ZDHHC8: variants seen among roughly 807,000 people sequenced by gnomAD.
ZDHHC8 encodes the protein palmitoyltransferase ZDHHC8.
A neutral mutation model predicts 61.2 loss-of-function variants in ZDHHC8; 24 were observed. The observed-to-expected ratio is 0.39, with a 90% CI of 0.28 to 0.55. The LOEUF (loss-of-function observed/expected upper bound fraction) is 0.55, where lower values mean the gene tolerates loss of function less well. ZDHHC8 is among the 20% of genes least tolerant of loss of function. The pLI is 0.60. For synonymous variants in ZDHHC8, 523 were observed against 492.5 expected, an observed-to-expected ratio of 1.06 and a Z score of -0.82; for missense variants, 935 against 1,102.1, an observed-to-expected ratio of 0.85 and a Z score of 2.15.
intron 1 of ZDHHC8, among the ~76,000 whole-genome samples, chr22:20,132,522 C>T (rs971000820): frequency 5.3e-5 from 8 of 152,260 alleles, no homozygotes; most frequent in African/African-American, 1.9e-4. Context: ...TAGGTGTGGC[C>T]TGGCCTCGTT....
In ZDHHC8 at chr22:20,146,057, T is replaced by A. The variant is rs542177964; in HGVS notation, c.*657T>A. 1 of 985,846 alleles carries A rather than the reference T, an allele frequency of 1.0e-6. No individual in the cohort carries two copies. Among genetic ancestry groups the A allele is most frequent in the South Asian group, 4.7e-5 (1 of 21,292 alleles). 61.1% of individuals were successfully genotyped at this position (985,846 alleles called of 1,614,324 possible). ...GTCTGTGTGCTGTGCTGCCGCGCCG[T>A]GTCTGATGTGTCAGTGCTCCGGCCG... On this transcript the variant is annotated 3_prime_UTR_variant, in exon 11 of 11. Transcript: ENST00000334554.
chr22:20,143,749 G>A lies in ZDHHC8; in HGVS notation c.2119G>A (p.Val707Met), dbSNP rs559122312. ...DLPEPPPSLT[V>M]QRDHPQLKTP... ...CCCAGAGCCACCGCCCTCGCTGACC[G>A]TGCAGAGGTGGGTGCCGGGAGGTGC... Residue 707 changes from valine to methionine, a missense_variant, in exon 10 of 11, where the codon GTG (valine) becomes ATG (methionine). Coordinates refer to ENST00000334554, the MANE Select transcript of ZDHHC8 (RefSeq NM_013373.4). 1.2e-4 allele frequency: 200 copies of A among 1,606,912 alleles called. 1 individual carries two copies. The highest frequency in any genetic ancestry group is 1.1e-3 in the South Asian group (97 of 90,602).
Position 20,131,946 on chromosome 22 carries a change from G to A in ZDHHC8, c.-2G>A. ...GAGGGATGCGGCGGCGCGGCGCCCA[G>A]GATGCCCCGCAGCCCCGGGACGCGC... On this transcript the variant is annotated 5_prime_UTR_variant, in exon 1 of 11. Coordinates refer to ENST00000334554, the MANE Select transcript of ZDHHC8 (RefSeq NM_013373.4). 1 of 1,187,410 alleles carries A rather than the reference G, an allele frequency of 8.4e-7. No individual in the cohort carries two copies. The highest frequency in any genetic ancestry group is 1.1e-6 in the Non-Finnish European group (1 of 945,980). The allele number at this position is 1,187,410 out of a possible 1,614,324, so 73.6% of individuals were successfully genotyped here.
chr22:20,141,655 C>T, intron 9 of ZDHHC8, 125 bp downstream of exon 9: 1 of 824,108 alleles, frequency 1.2e-6, no homozygotes, highest in Non-Finnish European at 1.9e-6. Context: ...GCAGAGGCCA[C>T]ATCCCCTGAG....
intron 1 of ZDHHC8, among the ~76,000 whole-genome samples, chr22:20,138,413 C>T (rs1241729507): frequency 3.3e-5 from 5 of 152,220 alleles, no homozygotes; most frequent in Non-Finnish European, 1.5e-5. Flanking sequence ...CGGCAAGTCT[C>T]TTCAGAGGGG....
At chr22:20,140,071 G>T (rs376474346) in intron 4 of ZDHHC8, 44 bp from the exon 5 acceptor site, 2 of 1,607,218 alleles carry the variant, frequency 1.2e-6, no homozygotes, top group African/African-American at 2.7e-5. Context: ...GCTGCGATGG[G>T]GTCTGCGGTG....
chr22:20,145,797 G>A lies in ZDHHC8; in HGVS notation c.*397G>A. 1 of 989,918 alleles carries A rather than the reference G, an allele frequency of 1.0e-6. No homozygotes were observed. Among genetic ancestry groups the A allele is most frequent in the South Asian group, 4.7e-5 (1 of 21,348 alleles). The allele number at this position is 989,918 out of a possible 1,614,324, so 61.3% of individuals were successfully genotyped here. ...CCCTTACGGACAGGTCCCAGAGATGGACAGAGGCACCCAGGGCCCCCACCG... is the reference window on the plus strand; with the variant it reads ...CCCTTACGGACAGGTCCCAGAGATGAACAGAGGCACCCAGGGCCCCCACCG... On this transcript the variant is annotated 3_prime_UTR_variant, in exon 11 of 11. Coordinates refer to ENST00000334554, the MANE Select transcript of ZDHHC8 (RefSeq NM_013373.4).
In ZDHHC8 at chr22:20,146,840, G is replaced by A; in HGVS notation, c.*1440G>A. On this transcript the variant is annotated 3_prime_UTR_variant, in exon 11 of 11. Coordinates refer to ENST00000334554, the MANE Select transcript of ZDHHC8 (RefSeq NM_013373.4). ...CCCTGTGGGGGCCGCTGAACCTGCT[G>A]GAACTCTCCTGCCTGCCACATGCCA... 2.4e-6 allele frequency: 3 copies of A among 1,251,982 alleles called. No homozygotes were observed. The highest frequency in any genetic ancestry group is 3.0e-6 in the Non-Finnish European group (3 of 999,334). The allele number at this position is 1,251,982 out of a possible 1,614,324, so 77.6% of individuals were successfully genotyped here.
At chr22:20,143,870 C>G in intron 10 of ZDHHC8, 114 bp downstream of exon 10, 2 of 1,332,392 alleles carry the variant, frequency 1.5e-6, no homozygotes, top group Non-Finnish European at 2.0e-6. Flanking sequence ...GAGTTTTTCT[C>G]TGGGGACGGG....
intron 1 of ZDHHC8, among the ~76,000 whole-genome samples, chr22:20,138,036 A>G (rs1213377849): frequency 6.6e-6 from 1 of 152,234 alleles, no homozygotes; most frequent in East Asian, 1.9e-4. Flanking sequence ...CTTTCCACTA[A>G]AAATAGTGAA....
rs1046752884 is a variant in ZDHHC8 at position 20,134,477 on chromosome 22, C to T, written c.104+2426C>T. On this transcript the variant is annotated intron_variant, in intron 1 of 10. Transcript: ENST00000334554. Reference sequence around the variant, plus strand: ...TCTTGGGGCAGGCCACTTGTCTACCCGTTGCCCCACCTCCTGCCCTGTATC... The same window carrying T: ...TCTTGGGGCAGGCCACTTGTCTACCTGTTGCCCCACCTCCTGCCCTGTATC... 4.6e-5 allele frequency among the ~76,000 whole-genome samples: 7 copies of T among 152,344 alleles called. No individual in the cohort carries two copies. In the East Asian group the frequency reaches 5.8e-4, roughly 13 times the overall value.
rs1348389862 is a variant in ZDHHC8 at position 20,143,388 on chromosome 22, C to T, written c.1758C>T (p.Ser586=). 5.0e-6 allele frequency: 8 copies of T among 1,586,314 alleles called. No individual in the cohort carries two copies. The East Asian group carries it at 1.8e-4, about 36-fold the overall frequency. The change falls in exon 10 of 11, where the codon AGC becomes AGT. Residue 586 remains serine (S), a synonymous_variant. Coordinates refer to ENST00000334554, the MANE Select transcript of ZDHHC8 (RefSeq NM_013373.4). ...TCTATGACGCTCCCAGCTCCTACAG[C>T]CTGCAGCAGGCCAGTGTGCTGTCCG... is the stretch of plus-strand genomic sequence containing the variant. ...SGVYDAPSSY[S]LQQASVLSEG...
chr22:20,134,765 C>T (rs1022502260), intron 1 of ZDHHC8, among the ~76,000 whole-genome samples: 1 of 152,208 alleles, frequency 6.6e-6, no homozygotes, highest in South Asian at 2.1e-4. Flanking sequence ...CTCCCTCAGC[C>T]AGATCGCCAA....
chr22:20,134,185 C>T (rs1344888665), intron 1 of ZDHHC8, among the ~76,000 whole-genome samples: 1 of 152,232 alleles, frequency 6.6e-6, no homozygotes, highest in Non-Finnish European at 1.5e-5. Context: ...AGGATGGTGG[C>T]CTGGGTGCTC....
intron 1 of ZDHHC8, among the ~76,000 whole-genome samples, chr22:20,135,490 GTCTGGGGCA>G (rs2050412221): frequency 6.6e-6 from 1 of 152,228 alleles, no homozygotes; most frequent in Admixed American, 6.5e-5. Context: ...GCTTATCTCT[GTCTGGGGCA>G]TCTGGGATGG....
At position 20,131,883 on chromosome 22, in the gene ZDHHC8, G is replaced by A. The variant is rs1280079974; in HGVS notation, c.-65G>A. 1.5e-5 allele frequency: 3 copies of A among 197,552 alleles called. No individual in the cohort carries two copies. The highest frequency in any genetic ancestry group is 2.6e-5 in the Non-Finnish European group (3 of 114,112). 12.2% of individuals were successfully genotyped at this position (197,552 alleles called of 1,614,324 possible). On this transcript the variant is annotated 5_prime_UTR_variant, in exon 1 of 11. Coordinates refer to ENST00000334554, the MANE Select transcript of ZDHHC8 (RefSeq NM_013373.4). ...GCGTCCAGCCCGCCCGCCCGACCCC[G>A]GCCCGACCCCGGCCGGCCCTGCCCG...
At chr22:20,137,249 T>TC (rs772489671) in intron 1 of ZDHHC8, among the ~76,000 whole-genome samples, 10 of 151,824 alleles carry the variant, frequency 6.6e-5, no homozygotes, top group Non-Finnish European at 1.5e-4. Context: ...TGTGGGGGAG[T>TC]CCAGGCTCAG....
chr22:20,141,660 CCT>C (rs1370828713), intron 9 of ZDHHC8, 130 bp downstream of exon 9: 3 of 785,270 alleles, frequency 3.8e-6, no homozygotes, highest in Admixed American at 5.8e-5. Flanking sequence ...GGCCACATCC[CCT>C]GAGGCCATGC....
chr22:20,136,702 A>G (rs1480574921), intron 1 of ZDHHC8, among the ~76,000 whole-genome samples: 1 of 152,236 alleles, frequency 6.6e-6, no homozygotes, highest in East Asian at 1.9e-4. Flanking sequence ...GCATGTCTGC[A>G]TGCAAGTGTT....
Sources: gnomAD v4.1 joint callset for allele counts (sites outside exome capture counted in the v4.1 genomes callset) on GRCh38, gnomAD v4.1.1 for gene constraint, MANE v1.5 for transcripts, NCBI Gene and HGNC (gene_info 2026-07-23, HGNC 2026-07-21) for gene names.